Variants in L2HGDH observed in about 807,000 individuals in gnomAD.
The protein encoded by L2HGDH is L-2-hydroxyglutarate dehydrogenase.
In L2HGDH, 34 loss-of-function variants were observed where a neutral mutation model predicts 51.5. The observed-to-expected ratio is 0.66, with a 90% CI of 0.50 to 0.88. L2HGDH has a LOEUF of 0.88. Among genes scored for constraint, L2HGDH ranks in the 40% least tolerant of loss-of-function variants. L2HGDH has a pLI of 0.00. For missense variants in L2HGDH, 558 were observed against 571.9 expected (o/e 0.98, Z 0.25); for synonymous variants, 198 against 197.9 (o/e 1.00, Z -0.01).
rs370268999 is a variant in L2HGDH at position 50,302,867 on chromosome 14, G to C, written c.256+35C>G. 1.1e-5 allele frequency: 16 copies of C among 1,394,796 alleles called. No individual in the cohort carries two copies. In the African/African-American group the frequency reaches 2.3e-4, roughly 20 times the overall value. The allele number at this position is 1,394,796 out of a possible 1,614,324, so 86.4% of individuals were successfully genotyped here. On this transcript the variant is annotated intron_variant, in intron 2 of 9. Transcript: ENST00000267436. ...ACAGACAAAATGAGCAGATGCCCAA[G>C]TAAGCCCAAAGAACAACATTGATTA...
At chr14:50,309,431 A>G (rs375620408) in intron 1 of L2HGDH, among the ~76,000 whole-genome samples, 6 of 152,020 alleles carry the variant, frequency 3.9e-5, no homozygotes, top group African/African-American at 1.4e-4. Context: ...GCGTGGTGGC[A>G]CATGCCTGTA....
chr14:50,296,738 A>G (rs148397717), intron 3 of L2HGDH, among the ~76,000 whole-genome samples: 1 of 152,314 alleles, frequency 6.6e-6, no homozygotes, highest in African/African-American at 2.4e-5. Context: ...TGTGAGGCCA[A>G]TATTAGTTTG....
chr14:50,269,138 A>G (rs1275047444), intron 7 of L2HGDH, 25 bp downstream of exon 7: 1 of 1,599,400 alleles, frequency 6.3e-7, no homozygotes, highest in Admixed American at 1.7e-5. Flanking sequence ...GAAAAAAATG[A>G]GAAGTAGGAA....
At chr14:50,291,113 G>A (rs771421584) in intron 4 of L2HGDH, among the ~76,000 whole-genome samples, 26 of 141,386 alleles carry the variant, frequency 1.8e-4, no homozygotes, top group African/African-American at 6.1e-4. Context: ...CAGGAGAATC[G>A]CTGAACCCAG....
At chr14:50,259,120 A>AGTTAAG (rs1888845256) in intron 9 of L2HGDH, among the ~76,000 whole-genome samples, 1 of 150,718 alleles carries the variant, frequency 6.6e-6, no homozygotes, top group East Asian at 2.0e-4. Context: ...CCAAAGTGCT[A>AGTTAAG]GGATTAAAGG....
At chr14:50,307,983 T>A (rs907868780) in intron 1 of L2HGDH, among the ~76,000 whole-genome samples, 1 of 152,162 alleles carries the variant, frequency 6.6e-6, no homozygotes, top group African/African-American at 2.4e-5. Flanking sequence ...ACTTTTGCTC[T>A]GCAAAAAGAC....
intron 9 of L2HGDH, among the ~76,000 whole-genome samples, chr14:50,260,001 G>C (rs1346672364): frequency 1.3e-5 from 2 of 151,522 alleles, no homozygotes; most frequent in Non-Finnish European, 2.9e-5. Flanking sequence ...GAGAGAGAGA[G>C]AGAGAGAGAG....
Position 50,243,590 on chromosome 14 carries a change from G to A in L2HGDH, c.*3468C>T, listed in dbSNP as rs1044241524. 7 of 821,148 alleles carry A rather than the reference G, an allele frequency of 8.5e-6. No homozygotes were observed. The highest frequency in any genetic ancestry group is 3.7e-5 in the African/African-American group (2 of 53,900). 50.9% of individuals were successfully genotyped at this position (821,148 alleles called of 1,614,324 possible). ...AACCCTATTGACATACATATAAAACGTTTTACAAGCAGAATAACCTACATA... is the reference window on the plus strand; with the variant it reads ...AACCCTATTGACATACATATAAAACATTTTACAAGCAGAATAACCTACATA... On this transcript the variant is annotated 3_prime_UTR_variant, in exon 10 of 10. Coordinates refer to ENST00000267436, the MANE Select transcript of L2HGDH (RefSeq NM_024884.3).
At position 50,245,267 on chromosome 14, in the gene L2HGDH, T is replaced by C. The variant is rs746366847; in HGVS notation, c.*1791A>G. Reference sequence around the variant, plus strand: ...TTAGTGTGACTAAAGATCAGAGATATAATAGATAAATAACTTTTTTAAATT... The same window carrying C: ...TTAGTGTGACTAAAGATCAGAGATACAATAGATAAATAACTTTTTTAAATT... On this transcript the variant is annotated 3_prime_UTR_variant, in exon 10 of 10. Transcript: ENST00000267436. 8 of 984,902 alleles carry C rather than the reference T, an allele frequency of 8.1e-6. No homozygotes were observed. The highest frequency in any genetic ancestry group is 1.7e-5 in the African/African-American group (1 of 57,228). The allele number at this position is 984,902 out of a possible 1,614,324, so 61.0% of individuals were successfully genotyped here. A position where few individuals can be genotyped will look rare whatever the true frequency, so the allele number is the denominator to read the frequency against.
In L2HGDH at chr14:50,294,235, A is replaced by C; in HGVS notation, c.420T>G (p.Ala140=). ...SYKQCGKLIV[A]VEQEEIPRLQ... is the part of the protein sequence containing the mutation. The stretch of plus-strand genomic sequence containing the variant: ...GTCTGGGAATTTCTTCTTGTTCAAC[A>C]GCTACTATAAGCTTCAAAAAAAAAA... The change falls in exon 4 of 10, where the codon GCT becomes GCG. Residue 140 remains alanine, a synonymous_variant. Coordinates refer to ENST00000267436, the MANE Select transcript of L2HGDH (RefSeq NM_024884.3). The C allele has an allele frequency of 6.2e-7, 1 of 1,612,982 alleles. No homozygotes were observed. The highest frequency in any genetic ancestry group is 8.5e-7 in the Non-Finnish European group (1 of 1,179,756).
At chr14:50,250,690 G>A (rs374437595) in intron 9 of L2HGDH, among the ~76,000 whole-genome samples, 1 of 152,264 alleles carries the variant, frequency 6.6e-6, no homozygotes, top group East Asian at 1.9e-4. Context: ...CAGTTCCAGG[G>A]GGTTTAGCAC....
chr14:50,293,308 G>T lies in L2HGDH; in HGVS notation c.540+807C>A, dbSNP rs1291930527. 7.1e-6 allele frequency: 5 copies of T among 701,914 alleles called. No individual in the cohort carries two copies. The African/African-American group carries it at 8.7e-5, about 12-fold the overall frequency. The allele number at this position is 701,914 out of a possible 1,614,324, so 43.5% of individuals were successfully genotyped here. ...TCTGTTTGGGGAAAAAATACACCTT[G>T]ACCCCTAACTTATACCATATATAAA... On this transcript the variant is annotated intron_variant, in intron 4 of 9. Coordinates refer to ENST00000267436, the MANE Select transcript of L2HGDH (RefSeq NM_024884.3).
intron 9 of L2HGDH, among the ~76,000 whole-genome samples, chr14:50,258,332 C>T (rs1463391283): frequency 6.6e-6 from 1 of 151,754 alleles, no homozygotes; most frequent in Non-Finnish European, 1.5e-5. Flanking sequence ...CCTCCCTTCT[C>T]AGCCTCCTGA....
intron 6 of L2HGDH, among the ~76,000 whole-genome samples, chr14:50,277,011 C>T (rs1890011368): frequency 6.6e-6 from 1 of 152,192 alleles, no homozygotes; most frequent in Non-Finnish European, 1.5e-5. Flanking sequence ...TCAAAAATGT[C>T]TCTAAACATT....
At chr14:50,269,450 T>C (rs1377550758) in intron 6 of L2HGDH, 120 bp from the exon 7 acceptor site, 1 of 941,652 alleles carries the variant, frequency 1.1e-6, no homozygotes, top group Non-Finnish European at 1.7e-6. Context: ...TAAAAGAGGA[T>C]ATTCAATACA....
intron 9 of L2HGDH, 70 bp downstream of exon 9, chr14:50,265,288 C>T: frequency 7.3e-7 from 1 of 1,370,856 alleles, no homozygotes. Flanking sequence ...TACTAATCAC[C>T]AAGTCAGACC....
chr14:50,251,099 T>G (rs528080600), intron 9 of L2HGDH, among the ~76,000 whole-genome samples: 2 of 152,288 alleles, frequency 1.3e-5, no homozygotes, highest in African/African-American at 4.8e-5. Context: ...ATAGCTGTTT[T>G]GAAGAAACTC....
intron 1 of L2HGDH, chr14:50,311,559 G>C (rs1288904701): frequency 2.2e-6 from 1 of 444,508 alleles, no homozygotes; most frequent in African/African-American, 2.0e-5. Context: ...ACTATGCGGG[G>C]TGTGCCAGGA....
In L2HGDH at chr14:50,245,748, T is replaced by C. The variant is rs1053277028; in HGVS notation, c.*1310A>G. On this transcript the variant is annotated 3_prime_UTR_variant, in exon 10 of 10. Transcript: ENST00000267436. ...ATTGATTTAAGGAAATAATCTATTT[T>C]TATGCCATCTTTCTCCAAAACTCTT... 4.9e-5 allele frequency: 48 copies of C among 985,238 alleles called. No individual in the cohort carries two copies. The highest frequency in any genetic ancestry group is 4.9e-5 in the Non-Finnish European group (41 of 829,876). The allele number at this position is 985,238 out of a possible 1,614,324, so 61.0% of individuals were successfully genotyped here.
Sources: allele counts gnomAD v4.1 joint callset (sites outside exome capture counted in the v4.1 genomes callset), GRCh38; gene constraint gnomAD v4.1.1; transcripts MANE v1.5; gene names NCBI Gene and HGNC (gene_info 2026-07-23, HGNC 2026-07-21).